Variants in TMTC1 observed in about 807,000 individuals in gnomAD.
TMTC1 encodes protein O-mannosyl-transferase TMTC1.
A neutral mutation model predicts 104.8 loss-of-function variants in TMTC1; 73 were observed. That is an observed-to-expected ratio of 0.70 (90% confidence interval 0.58 to 0.85). The LOEUF is 0.85. TMTC1 is among the 40% of genes least tolerant of loss of function. The pLI is 0.00. For missense variants in TMTC1, 1,035 were observed against 1,096.1 expected (o/e 0.94, Z 0.79); for synonymous variants, 434 against 428.7 (o/e 1.01, Z -0.15).
At chr12:29,754,911 T>C (rs764250235) in intron 4 of TMTC1, among the ~76,000 whole-genome samples, 54 of 152,196 alleles carry the variant, frequency 3.5e-4, no homozygotes, top group Non-Finnish European at 7.2e-4. Context: ...AAAAGCAGGA[T>C]TGTTTTTTCA....
chr12:29,542,030 G>A (rs151150243), intron 10 of TMTC1, among the ~76,000 whole-genome samples: 232 of 152,072 alleles, frequency 1.5e-3, no homozygotes, highest in African/African-American at 5.3e-3. Flanking sequence ...CATTTAGACC[G>A]AATTGACAAG....
intron 5 of TMTC1, among the ~76,000 whole-genome samples, chr12:29,676,076 A>G (rs1192166410): frequency 8.5e-5 from 13 of 152,256 alleles, no homozygotes; most frequent in Non-Finnish European, 4.4e-5. Context: ...CACCATATCT[A>G]TAAAGGATGG....
Position 29,506,794 on chromosome 12 carries a change from TC to T in TMTC1, c.*51del. The T allele has an allele frequency of 6.2e-7, 1 of 1,606,196 alleles. No individual in the cohort carries two copies. Among genetic ancestry groups the T allele is most frequent in the Non-Finnish European group, 8.5e-7 (1 of 1,173,718 alleles). ...GATGTGAAAGCAAGGCTTCCATCACTCCCCTTTCAGAGGCACCACATTATCC... is the reference window on the plus strand; with the variant it reads ...GATGTGAAAGCAAGGCTTCCATCACTCCCTTTCAGAGGCACCACATTATCC... On this transcript the variant is annotated 3_prime_UTR_variant, in exon 18 of 18. Transcript: ENST00000539277.
intron 5 of TMTC1, among the ~76,000 whole-genome samples, chr12:29,747,508 A>G (rs73077427): frequency 2.4e-4 from 36 of 152,322 alleles, no homozygotes; most frequent in Admixed American, 6.5e-4. Flanking sequence ...TCTGAAAACA[A>G]TATTTTGCCT....
rs917873037 is a variant in TMTC1 at position 29,505,664 on chromosome 12, T to A, written c.*1182A>T. 7.9e-5 allele frequency: 12 copies of A among 151,990 alleles called. No individual in the cohort carries two copies. The highest frequency in any genetic ancestry group is 2.6e-4 in the Admixed American group (4 of 15,256). The allele number at this position is 151,990 out of a possible 1,614,324, so 9.4% of individuals were successfully genotyped here. On this transcript the variant is annotated 3_prime_UTR_variant, in exon 18 of 18. Coordinates refer to ENST00000539277, the MANE Select transcript of TMTC1 (RefSeq NM_001193451.2). Reference sequence around the variant, plus strand: ...TAAAAATAAATGTCAAATTGTGAGTTCAACTTTGCCTTTCCTATTTCTTAA... The same window carrying A: ...TAAAAATAAATGTCAAATTGTGAGTACAACTTTGCCTTTCCTATTTCTTAA...
At chr12:29,622,373 T>C (rs1395865436) in intron 6 of TMTC1, among the ~76,000 whole-genome samples, 1 of 152,172 alleles carries the variant, frequency 6.6e-6, no homozygotes, top group Non-Finnish European at 1.5e-5. Context: ...ACACAGGAAA[T>C]TGGGAACTAT....
intron 5 of TMTC1, among the ~76,000 whole-genome samples, chr12:29,647,926 G>A (rs1450100365): frequency 6.6e-6 from 1 of 152,124 alleles, no homozygotes; most frequent in Admixed American, 6.5e-5. Flanking sequence ...CCTTCAAACT[G>A]GTAAGACAAA....
intron 5 of TMTC1, among the ~76,000 whole-genome samples, chr12:29,714,140 C>G (rs775386811): frequency 1.3e-5 from 2 of 152,146 alleles, no homozygotes; most frequent in Admixed American, 6.6e-5. Context: ...TATAAATTAC[C>G]CAGTCTGTGG....
At chr12:29,508,840 A>C (rs1943759189) in intron 17 of TMTC1, among the ~76,000 whole-genome samples, 1 of 152,116 alleles carries the variant, frequency 6.6e-6, no homozygotes, top group South Asian at 2.1e-4. Context: ...GGAATCCCAA[A>C]GGGCTGGGAT....
chr12:29,689,530 G>T (rs1240421461), intron 5 of TMTC1, among the ~76,000 whole-genome samples: 1 of 152,176 alleles, frequency 6.6e-6, no homozygotes, highest in Non-Finnish European at 1.5e-5. Flanking sequence ...GGCCAGGCTG[G>T]TCTCGAACTC....
chr12:29,531,635 T>C (rs1799555409), intron 11 of TMTC1, among the ~76,000 whole-genome samples: 1 of 152,194 alleles, frequency 6.6e-6, no homozygotes, highest in South Asian at 2.1e-4. Context: ...TCTGTGAAGC[T>C]GGAGTCCAGC....
rs745576154 is a variant in TMTC1 at position 29,751,817 on chromosome 12, AG to A, written c.786del (p.Ser263ProfsTer49). 3 of 1,608,642 alleles carry A rather than the reference AG, an allele frequency of 1.9e-6. No homozygotes were observed. In the South Asian group the frequency reaches 3.3e-5, roughly 18 times the overall value. On this transcript the variant is annotated frameshift_variant, in exon 5 of 18. Coordinates refer to ENST00000539277, the MANE Select transcript of TMTC1 (RefSeq NM_001193451.2). LOFTEE classifies it high-confidence loss of function. ...CGGTGAGGATGGCCTGGCAGTGAGG[AG>A]GGCTGGGGGCTCCCGGGCTGCTGTG... is the stretch of plus-strand genomic sequence containing the variant. ...RSPQQPGSPQ[P>X]SSLPGHPHRE...
At chr12:29,561,982 C>G (rs898928538) in intron 9 of TMTC1, among the ~76,000 whole-genome samples, 5 of 152,138 alleles carry the variant, frequency 3.3e-5, no homozygotes, top group African/African-American at 1.2e-4. Context: ...CAGAATTCCA[C>G]TGGACTGAAA....
At chr12:29,661,073 G>A (rs551144114) in intron 5 of TMTC1, among the ~76,000 whole-genome samples, 11 of 151,966 alleles carry the variant, frequency 7.2e-5, no homozygotes, top group Non-Finnish European at 1.5e-4. Flanking sequence ...AGGAGACCTC[G>A]GGCAAGTTTC....
chr12:29,525,469 A>G (rs1009459811), intron 11 of TMTC1, among the ~76,000 whole-genome samples: 1 of 151,892 alleles, frequency 6.6e-6, no homozygotes, highest in Non-Finnish European at 1.5e-5. Context: ...TGCAGGTGTG[A>G]GCCACTGTGC....
At chr12:29,741,995 C>T (rs965540509) in intron 5 of TMTC1, among the ~76,000 whole-genome samples, 1 of 152,068 alleles carries the variant, frequency 6.6e-6, no homozygotes, top group Non-Finnish European at 1.5e-5. Context: ...TTTTTTCCAT[C>T]ATAATTGCAG....
chr12:29,643,938 T>A (rs1479154790), intron 5 of TMTC1, among the ~76,000 whole-genome samples: 2 of 112,844 alleles, frequency 1.8e-5, no homozygotes, highest in Non-Finnish European at 3.3e-5. Flanking sequence ...TAAATATATA[T>A]AAATTTAAAT....
chr12:29,691,597 G>C (rs1439678871), intron 5 of TMTC1, among the ~76,000 whole-genome samples: 5 of 142,946 alleles, frequency 3.5e-5, no homozygotes, highest in African/African-American at 1.3e-4. Flanking sequence ...ATTACCGGAA[G>C]CCAAAACTGA....
intron 5 of TMTC1, among the ~76,000 whole-genome samples, chr12:29,643,535 A>AT (rs1938987357): frequency 1.7e-5 from 1 of 59,130 alleles, no homozygotes; most frequent in East Asian, 3.6e-4. Flanking sequence ...TAAAATATAT[A>AT]ATATATATCA....
Sources: allele counts gnomAD v4.1 joint callset (sites outside exome capture counted in the v4.1 genomes callset), GRCh38; gene constraint gnomAD v4.1.1; transcripts MANE v1.5; gene names NCBI Gene and HGNC (gene_info 2026-07-23, HGNC 2026-07-21).